The following ACOX3 variants were observed in gnomAD, a reference collection of about 807,000 sequenced individuals.
ACOX3 encodes the protein peroxisomal acyl-coenzyme A oxidase 3.
Under a neutral mutation model 81.5 loss-of-function variants are expected in ACOX3, and 73 were observed. The observed-to-expected ratio is 0.90, with a 90% CI of 0.74 to 1.09. The LOEUF (loss-of-function observed/expected upper bound fraction) is 1.09, where lower values mean the gene tolerates loss of function less well. Ranked by LOEUF, ACOX3 falls within the 50% of genes least tolerant of loss-of-function variation. ACOX3 has a pLI of 0.00. For synonymous variants in ACOX3, 387 were observed against 375.1 expected, an observed-to-expected ratio of 1.03 and a Z score of -0.37; for missense variants, 947 against 928.0, an observed-to-expected ratio of 1.02 and a Z score of -0.27.
chr4:8,410,429 A>G (rs1721592708), intron 5 of ACOX3, 74 bp from the exon 6 acceptor site: 53 of 1,547,860 alleles, frequency 3.4e-5, no homozygotes, highest in Non-Finnish European at 4.6e-5. Flanking sequence ...TTCCTTTTAG[A>G]CAGATTCCAT....
Position 8,414,333 on chromosome 4 carries a change from T to A in ACOX3, c.502A>T (p.Lys168Ter). 6.2e-7 allele frequency: 1 copy of A among 1,614,170 alleles called. No homozygotes were observed. The highest frequency in any genetic ancestry group is 1.7e-5 in the Admixed American group (1 of 60,014). Residue 168 changes from lysine (K) to a stop codon, truncating the protein, a stop_gained, in exon 5 of 18, where the codon AAG becomes TAG. Transcript: ENST00000356406. LOFTEE classifies it high-confidence loss of function. This position sits in a 1 kb window ranked among gnomAD's most constrained non-coding sequence, Gnocchi z 6.1. ...LTELSHGSNT[K>*]AIRTTAHYDP... ...TAGTGGGCAGTTGTGCGAATGGCCT[T>A]GGTATTACTGCCGTGGCTTAATTCG...
chr4:8,426,286 A>G (rs1578997073), intron 1 of ACOX3, among the ~76,000 whole-genome samples: 1 of 152,044 alleles, frequency 6.6e-6, no homozygotes, highest in Non-Finnish European at 1.5e-5. Context: ...CCCTAGATAC[A>G]TACTGGGAAG....
rs1715798948 is a variant in ACOX3 at position 8,368,857 on chromosome 4, A to C, written c.1984-1777T>G. Reference sequence around the variant, plus strand: ...GGATCCTCTCACCTCAGTTTTTGTAATTTTTATGGATGGGGTTTCAGTATG... The same window carrying C: ...GGATCCTCTCACCTCAGTTTTTGTACTTTTTATGGATGGGGTTTCAGTATG... On this transcript the variant is annotated intron_variant, in intron 17 of 17. Coordinates refer to ENST00000356406, the MANE Select transcript of ACOX3 (RefSeq NM_003501.3). This position sits in a 1 kb window ranked among gnomAD's most constrained non-coding sequence, Gnocchi z 5.9. Among the ~76,000 whole-genome samples the C allele has an allele frequency of 6.6e-6, 1 of 151,430 alleles. No individual in the cohort carries two copies. Among genetic ancestry groups the C allele is most frequent in the Admixed American group, 6.6e-5 (1 of 15,170 alleles).
At chr4:8,374,058 C>G in intron 15 of ACOX3, 9 of 186,370 alleles carry the variant, frequency 4.8e-5, no homozygotes, top group Admixed American at 1.2e-4. Flanking sequence ...GAGTTGGGGG[C>G]GGTGGGCACC....
chr4:8,386,855 G>T lies in ACOX3; in HGVS notation c.1537+2318C>A, dbSNP rs1005912347. On this transcript the variant is annotated intron_variant, in intron 13 of 17. Coordinates refer to ENST00000356406, the MANE Select transcript of ACOX3 (RefSeq NM_003501.3). The surrounding 1 kb of genome is among the most constrained non-coding windows in gnomAD (Gnocchi z 5.2). ...TCCTGTTCTTTGCCGTGTGAACAAG[G>T]AAGTAGCCTGTAGGGCTGGAGACGG... Among the ~76,000 whole-genome samples the T allele has an allele frequency of 6.6e-6, 1 of 152,238 alleles. No individual in the cohort carries two copies. Among genetic ancestry groups the T allele is most frequent in the Non-Finnish European group, 1.5e-5 (1 of 68,050 alleles).
At chr4:8,427,724 T>C (rs1337836439) in intron 1 of ACOX3, among the ~76,000 whole-genome samples, 1 of 152,194 alleles carries the variant, frequency 6.6e-6, no homozygotes, top group East Asian at 1.9e-4. Context: ...CTTGCTGCCA[T>C]TGGGACCGGC....
chr4:8,406,928 A>G lies in ACOX3; in HGVS notation c.688-885T>C, dbSNP rs374627887. Among the ~76,000 whole-genome samples the G allele has an allele frequency of 2.6e-5, 4 of 152,150 alleles. No homozygotes were observed. In the East Asian group the frequency reaches 7.7e-4, roughly 29 times the overall value. On this transcript the variant is annotated intron_variant, in intron 6 of 17. Coordinates refer to ENST00000356406, the MANE Select transcript of ACOX3 (RefSeq NM_003501.3). The surrounding 1 kb of genome is among the most constrained non-coding windows in gnomAD (Gnocchi z 5.6). ...CCTGACAAATGTCAGGCCCTCTACA[A>G]GAGGTGGAGGAGTAGAGTCTTCTCT...
Position 8,394,705 on chromosome 4 carries a change from G to A in ACOX3, c.1094C>T (p.Ala365Val), listed in dbSNP as rs773170330. The A allele has an allele frequency of 2.5e-6, 4 of 1,613,682 alleles. No homozygotes were observed. Among genetic ancestry groups the A allele is most frequent in the Non-Finnish European group, 2.5e-6 (3 of 1,179,964 alleles). Reference sequence around the variant, plus strand: ...GAGCGACTTGGAGAAATGGTCTAAGGCGTAGACAGCTGCCAGATATGGAAG... The same window carrying A: ...GAGCGACTTGGAGAAATGGTCTAAGACGTAGACAGCTGCCAGATATGGAAG... ...RLLPYLAAVY[A>V]LDHFSKSLFL... The change falls in exon 10 of 18, where the codon GCC becomes GTC. Residue 365 changes from alanine (A) to valine (V), a missense_variant. Coordinates refer to ENST00000356406, the MANE Select transcript of ACOX3 (RefSeq NM_003501.3). This position sits in a 1 kb window ranked among gnomAD's most constrained non-coding sequence, Gnocchi z 5.9.
In ACOX3 at chr4:8,370,985, C is replaced by G; in HGVS notation, c.1906G>C (p.Asp636His). Reference sequence around the variant, plus strand: ...ATCACGTCTACCAGGGCAACTGCATCGTCTTTCAGCTGTTGGAAAACAAAG... The same window carrying G: ...ATCACGTCTACCAGGGCAACTGCATGGTCTTTCAGCTGTTGGAAAACAAAG... ...VLALCSQLKD[D>H]AVALVDVIAP... The change falls in exon 17 of 18, where the codon GAT (aspartate) becomes CAT (histidine). Residue 636 changes from aspartate (D) to histidine (H), a missense_variant. Asp to His is a moderately conservative substitution (Grantham distance 81, BLOSUM62 -1). Transcript: ENST00000356406. The surrounding 1 kb of genome is among the most constrained non-coding windows in gnomAD (Gnocchi z 6.3). The G allele has an allele frequency of 6.2e-7, 1 of 1,614,058 alleles. No individual in the cohort carries two copies. The highest frequency in any genetic ancestry group is 1.3e-5 in the African/African-American group (1 of 75,052).
the ACOX3 span, among the ~76,000 whole-genome samples, chr4:8,359,622 GT>G: frequency 3.9e-5 from 6 of 152,292 alleles, no homozygotes; most frequent in South Asian, 1.2e-3. This position sits in a 1 kb window ranked among gnomAD's most constrained non-coding sequence, Gnocchi z 6.0. Flanking sequence ...GACTTGGGGA[GT>G]TTTTTCCTCC....
At chr4:8,359,557 T>G in the ACOX3 span, among the ~76,000 whole-genome samples, 1 of 152,358 alleles carries the variant, frequency 6.6e-6, no homozygotes, top group East Asian at 1.9e-4. The surrounding 1 kb of genome is among the most constrained non-coding windows in gnomAD (Gnocchi z 6.0). Context: ...TAATCTGCCT[T>G]GCACTCTTTG....
At chr4:8,374,156 G>C in intron 15 of ACOX3, 1 of 168,342 alleles carries the variant, frequency 5.9e-6, no homozygotes, top group South Asian at 1.6e-4. Context: ...AGAGGTCCAA[G>C]GCTGTGGCCT....
chr4:8,419,358 C>T lies in ACOX3; in HGVS notation c.-14-2823G>A, dbSNP rs186377962. On this transcript the variant is annotated intron_variant, in intron 1 of 17. Coordinates refer to ENST00000356406, the MANE Select transcript of ACOX3 (RefSeq NM_003501.3). This position sits in a 1 kb window ranked among gnomAD's most constrained non-coding sequence, Gnocchi z 4.2. ...GGCTGAGGCAGAGAATTACTTAAAC[C>T]CGGGAGGCAGAGATTGCAGTAGCCT... Among the ~76,000 whole-genome samples the T allele has an allele frequency of 3.1e-4, 47 of 151,912 alleles. 1 individual carries two copies. The East Asian group carries it at 8.5e-3, about 28-fold the overall frequency.
rs1409148187 is a variant in ACOX3 at position 8,386,250 on chromosome 4, G to A, written c.1537+2923C>T. Among the ~76,000 whole-genome samples, 1 of 152,174 alleles carries A rather than the reference G, an allele frequency of 6.6e-6. No individual in the cohort carries two copies. The highest frequency in any genetic ancestry group is 1.5e-5 in the Non-Finnish European group (1 of 68,034). On this transcript the variant is annotated intron_variant, in intron 13 of 17. Transcript: ENST00000356406. The surrounding 1 kb of genome is among the most constrained non-coding windows in gnomAD (Gnocchi z 5.2). ...ATTAGGTCATTTTCTAGTTCTTTCT[G>A]TGGCAACATTTGGGAAGCTTAGAAA... is the stretch of plus-strand genomic sequence containing the variant.
chr4:8,428,241 G>T, intron 1 of ACOX3: 1 of 148,498 alleles, frequency 6.7e-6, no homozygotes, highest in Non-Finnish European at 1.5e-5. Flanking sequence ...CCCCGGGCCT[G>T]GCACTTTCAG....
chr4:8,422,157 A>AAG (rs909671163), intron 1 of ACOX3, among the ~76,000 whole-genome samples: 3 of 152,056 alleles, frequency 2.0e-5, no homozygotes, highest in Admixed American at 6.5e-5. Flanking sequence ...AGAGAAAGGA[A>AAG]AGAGAGAGAG....
At position 8,406,134 on chromosome 4, in the gene ACOX3, A is replaced by G; in HGVS notation, c.688-91T>C. 7.7e-7 allele frequency: 1 copy of G among 1,291,228 alleles called. No individual in the cohort carries two copies. The allele number at this position is 1,291,228 out of a possible 1,614,324, so 80.0% of individuals were successfully genotyped here. On this transcript the variant is annotated intron_variant, in intron 6 of 17. Coordinates refer to ENST00000356406, the MANE Select transcript of ACOX3 (RefSeq NM_003501.3). The surrounding 1 kb of genome is among the most constrained non-coding windows in gnomAD (Gnocchi z 5.6). ...TGTTCAGAAACCCACAGGGTGGGCCATGGGCTCAACGCTGGGCGGCTGTGG... is the reference window on the plus strand; with the variant it reads ...TGTTCAGAAACCCACAGGGTGGGCCGTGGGCTCAACGCTGGGCGGCTGTGG...
In ACOX3 at chr4:8,405,222, C is replaced by G. The variant is rs938060346; in HGVS notation, c.776+733G>C. On this transcript the variant is annotated intron_variant, in intron 7 of 17. Transcript: ENST00000356406. This position sits in a 1 kb window ranked among gnomAD's most constrained non-coding sequence, Gnocchi z 7.1. The stretch of plus-strand genomic sequence containing the variant: ...GGCCCTTGCGGCCTGGCCTCCCTAC[C>G]CCGCCTGCATCCCAGCACAGGCCTG... Among the ~76,000 whole-genome samples the G allele has an allele frequency of 3.3e-5, 5 of 152,244 alleles. No individual in the cohort carries two copies. Among genetic ancestry groups the G allele is most frequent in the Non-Finnish European group, 7.3e-5 (5 of 68,046 alleles).
At chr4:8,365,215 C>T (rs114978071), downstream of ACOX3, among the ~76,000 whole-genome samples, 1,238 of 152,296 alleles carry the variant, frequency 8.1e-3, 21 homozygotes, top group African/African-American at 0.028. Context: ...TGAGCCCCTC[C>T]GACACTGGCA....
Sources: gnomAD v4.1 joint callset for allele counts (sites outside exome capture counted in the v4.1 genomes callset) on GRCh38, gnomAD v4.1.1 for gene constraint, Gnocchi (gnomAD v3.1) non-coding constraint, MANE v1.5 for transcripts, NCBI Gene and HGNC (gene_info 2026-07-23, HGNC 2026-07-21) for gene names.